The following ATP10A variants were observed in gnomAD, a reference collection of about 807,000 sequenced individuals.
The protein encoded by ATP10A is ATPase phospholipid transporting 10A (putative).
A neutral mutation model predicts 147.8 loss-of-function variants in ATP10A; 111 were observed. The observed-to-expected ratio is 0.75, with a 90% confidence interval of 0.64 to 0.88. The LOEUF (loss-of-function observed/expected upper bound fraction) is 0.88, where lower values mean the gene tolerates loss of function less well. Ranked by LOEUF, ATP10A falls within the 40% of genes least tolerant of loss-of-function variation. The pLI is 0.00. For synonymous variants in ATP10A, 875 were observed against 841.6 expected (o/e 1.04, Z -0.69); for missense variants, 1,927 against 1,959.0 (o/e 0.98, Z 0.31).
chr15:25,850,243 C>A (rs1032947659), intron 1 of ATP10A, among the ~76,000 whole-genome samples: 14 of 152,254 alleles, frequency 9.2e-5, no homozygotes, highest in Admixed American at 5.9e-4. Flanking sequence ...CAGTGGGGAG[C>A]ACCCAGCAGG....
chr15:25,775,775 C>A (rs1308513488), intron 2 of ATP10A, among the ~76,000 whole-genome samples: 3 of 152,220 alleles, frequency 2.0e-5, no homozygotes, highest in Non-Finnish European at 4.4e-5. Flanking sequence ...GTAAATTAAC[C>A]CACACAGAAG....
At chr15:25,777,358 C>T (rs1224798653) in intron 2 of ATP10A, among the ~76,000 whole-genome samples, 1 of 152,138 alleles carries the variant, frequency 6.6e-6, no homozygotes, top group African/African-American at 2.4e-5. Context: ...CAGCGTCCAG[C>T]AACTGCTCCT....
intron 2 of ATP10A, among the ~76,000 whole-genome samples, chr15:25,762,291 GT>G (rs907662089): frequency 4.6e-5 from 7 of 152,198 alleles, no homozygotes; most frequent in Admixed American, 6.5e-5. Flanking sequence ...TCTTGGGTAT[GT>G]TTTTATTAGC....
At chr15:25,858,933 A>G (rs909230673) in intron 1 of ATP10A, among the ~76,000 whole-genome samples, 1 of 151,876 alleles carries the variant, frequency 6.6e-6, no homozygotes, top group Non-Finnish European at 1.5e-5. Flanking sequence ...GCTTTGGGGG[A>G]CAGATGAAAT....
In ATP10A at chr15:25,746,072, A is replaced by C. The variant is rs1193877787; in HGVS notation, c.655-9931T>G. 2.0e-5 allele frequency among the ~76,000 whole-genome samples: 3 copies of C among 152,202 alleles called. No individual in the cohort carries two copies. In the East Asian group the frequency reaches 5.8e-4, roughly 29 times the overall value. On this transcript the variant is annotated intron_variant, in intron 2 of 20. Transcript: ENST00000555815. Reference sequence around the variant, plus strand: ...AGAAAAATATTTTAATGAAAACCCAAAAACTATGTCAGACTGAATTTAAAA... The same window carrying C: ...AGAAAAATATTTTAATGAAAACCCACAAACTATGTCAGACTGAATTTAAAA...
chr15:25,727,375 C>A (rs1902644433), intron 3 of ATP10A, 109 bp from the exon 4 acceptor site: 3 of 999,544 alleles, frequency 3.0e-6, no homozygotes, highest in Admixed American at 3.9e-5. Flanking sequence ...AGCTTGGGGC[C>A]GCTGGGATCT....
At chr15:25,759,206 A>G (rs1434547849) in intron 2 of ATP10A, among the ~76,000 whole-genome samples, 1 of 152,188 alleles carries the variant, frequency 6.6e-6, no homozygotes, top group African/African-American at 2.4e-5. Flanking sequence ...TTCGAGTGCT[A>G]TTTCTTTTGT....
chr15:25,803,161 G>C (rs941938341), intron 1 of ATP10A, among the ~76,000 whole-genome samples: 1 of 152,140 alleles, frequency 6.6e-6, no homozygotes, highest in Non-Finnish European at 1.5e-5. Context: ...GGAGGGAGAC[G>C]GGTAATAAGC....
At chr15:25,706,394 C>T (rs529865842) in intron 12 of ATP10A, among the ~76,000 whole-genome samples, 58 of 152,304 alleles carry the variant, frequency 3.8e-4, no homozygotes, top group African/African-American at 1.4e-3. Context: ...CGCTCAGTGC[C>T]CCCCGTCATC....
intron 1 of ATP10A, among the ~76,000 whole-genome samples, chr15:25,796,444 T>G (rs903905653): frequency 1.3e-5 from 2 of 152,222 alleles, no homozygotes; most frequent in Admixed American, 6.5e-5. Flanking sequence ...TAAATATGAG[T>G]GTGGCACTGG....
At chr15:25,721,118 C>A (rs1041799237) in intron 7 of ATP10A, among the ~76,000 whole-genome samples, 8 of 151,990 alleles carry the variant, frequency 5.3e-5, no homozygotes, top group African/African-American at 1.9e-4. Flanking sequence ...CCCAGAGACA[C>A]CAGGTTGGAA....
At position 25,727,152 on chromosome 15, in the gene ATP10A, G is replaced by A. The variant is rs373478682; in HGVS notation, c.847+8C>T. 17 of 1,611,416 alleles carry A rather than the reference G, an allele frequency of 1.1e-5. No individual in the cohort carries two copies. Among genetic ancestry groups the A allele is most frequent in the East Asian group, 2.2e-5 (1 of 44,866 alleles). ...TGGCGGCAGGTGGTGCCAGGTGCCC[G>A]AGCCTACCTGCGTAGATGACAATGC... On this transcript the variant is annotated splice_region_variant and intron_variant, in intron 4 of 20. Transcript: ENST00000555815.
At chr15:25,811,909 G>A (rs1562118) in intron 1 of ATP10A, among the ~76,000 whole-genome samples, 21,969 of 152,112 alleles carry the variant, frequency 0.14, 1,752 homozygotes, top group South Asian at 0.21. Context: ...CACCCACCCC[G>A]ATGCCAGAGG....
chr15:25,818,084 A>T (rs1039808084), intron 1 of ATP10A, among the ~76,000 whole-genome samples: 22 of 141,778 alleles, frequency 1.6e-4, no homozygotes, highest in African/African-American at 4.0e-4. Context: ...AATTATTTTT[A>T]AAAAAAGCAA....
chr15:25,754,144 T>C (rs2140595364), intron 2 of ATP10A, among the ~76,000 whole-genome samples: 1 of 152,264 alleles, frequency 6.6e-6, no homozygotes, highest in South Asian at 2.1e-4. Flanking sequence ...GGTTGTTTGT[T>C]TGTTTTTTGA....
At chr15:25,842,817 G>A (rs7179939) in intron 1 of ATP10A, among the ~76,000 whole-genome samples, 97,653 of 151,866 alleles carry the variant, frequency 0.64, 34,491 homozygotes, top group East Asian at 0.91. Context: ...GGGCTCAAGC[G>A]GTCCTCCCAC....
intron 2 of ATP10A, among the ~76,000 whole-genome samples, chr15:25,765,139 C>A (rs1888955295): frequency 6.6e-6 from 1 of 152,072 alleles, no homozygotes; most frequent in Admixed American, 6.5e-5. Flanking sequence ...CCCTGTGGAG[C>A]CCTCATGATG....
intron 14 of ATP10A, among the ~76,000 whole-genome samples, chr15:25,693,987 T>C (rs778359768): frequency 6.6e-6 from 1 of 152,080 alleles, no homozygotes; most frequent in East Asian, 1.9e-4. Context: ...CTGATCCAGT[T>C]CTCACCTAGG....
intron 2 of ATP10A, among the ~76,000 whole-genome samples, chr15:25,771,291 C>T (rs1426322768): frequency 6.6e-6 from 1 of 152,168 alleles, no homozygotes; most frequent in East Asian, 1.9e-4. Context: ...CACAAAGAGC[C>T]CGGCACGGCA....
Sources: gnomAD v4.1 joint callset for allele counts (sites outside exome capture counted in the v4.1 genomes callset) on GRCh38, gnomAD v4.1.1 for gene constraint, MANE v1.5 for transcripts, NCBI Gene and HGNC (gene_info 2026-07-23, HGNC 2026-07-21) for gene names.